The following FAM219A variants were observed in gnomAD, a reference collection of about 807,000 sequenced individuals.
FAM219A encodes protein FAM219A.
FAM219A carries 7 observed loss-of-function variants against 23.4 expected under a neutral mutation model. The observed-to-expected ratio is 0.30, with a 90% CI of 0.17 to 0.56. The LOEUF (loss-of-function observed/expected upper bound fraction) is 0.56. Ranked by LOEUF, FAM219A falls within the 20% of genes least tolerant of loss-of-function variation. The probability of loss-of-function intolerance (pLI) is 0.92; values close to 1 mark genes in which losing one functional copy is unlikely to be tolerated. For missense variants in FAM219A, 166 were observed against 246.9 expected (o/e 0.67, Z 2.20); for synonymous variants, 93 against 99.0 (o/e 0.94, Z 0.36).
intron 1 of FAM219A, among the ~76,000 whole-genome samples, chr9:34,423,598 T>C (rs1362054698): frequency 1.3e-5 from 2 of 152,060 alleles, no homozygotes; most frequent in Non-Finnish European, 1.5e-5. Flanking sequence ...CTGGAAATAA[T>C]GGGGAGCCAC....
chr9:34,422,450 C>T (rs1035436414), intron 1 of FAM219A, among the ~76,000 whole-genome samples: 1 of 152,224 alleles, frequency 6.6e-6, no homozygotes, highest in African/African-American at 2.4e-5. Flanking sequence ...TAGATAAAGT[C>T]ATGAGATTAA....
chr9:34,413,119 G>A (rs547490587), intron 1 of FAM219A, among the ~76,000 whole-genome samples: 1 of 152,084 alleles, frequency 6.6e-6, no homozygotes, highest in South Asian at 2.1e-4. Flanking sequence ...CAGAACTTTG[G>A]ACCATGGGAG....
chr9:34,424,994 T>C (rs1039036036), intron 1 of FAM219A, among the ~76,000 whole-genome samples: 2 of 151,974 alleles, frequency 1.3e-5, no homozygotes, highest in Admixed American at 6.5e-5. Flanking sequence ...TTGGTAGAGA[T>C]GGGGTTTTGC....
chr9:34,419,143 C>T (rs1053917570), intron 1 of FAM219A, among the ~76,000 whole-genome samples: 2 of 152,066 alleles, frequency 1.3e-5, no homozygotes, highest in Admixed American at 6.6e-5. Context: ...TTATGTTATG[C>T]ATATTCTAAT....
At chr9:34,414,227 A>G (rs552546603) in intron 1 of FAM219A, among the ~76,000 whole-genome samples, 2 of 152,298 alleles carry the variant, frequency 1.3e-5, no homozygotes, top group African/African-American at 4.8e-5. Context: ...CCACACCTCA[A>G]CATATGAGTT....
chr9:34,421,896 T>G (rs556485228), intron 1 of FAM219A, among the ~76,000 whole-genome samples: 4 of 152,314 alleles, frequency 2.6e-5, no homozygotes, highest in African/African-American at 7.2e-5. Flanking sequence ...ATTGTCAGCA[T>G]TTCATATTAG....
intron 1 of FAM219A, among the ~76,000 whole-genome samples, chr9:34,419,351 G>A (rs1588045920): frequency 6.6e-6 from 1 of 152,058 alleles, no homozygotes; most frequent in Non-Finnish European, 1.5e-5. Flanking sequence ...CTGGGGATTT[G>A]GGGTTGGGTT....
chr9:34,437,525 T>A (rs1462923329), intron 1 of FAM219A, among the ~76,000 whole-genome samples: 2 of 152,098 alleles, frequency 1.3e-5, no homozygotes, highest in Admixed American at 1.3e-4. Flanking sequence ...GTGACAATGC[T>A]CCAAAATGCC....
chr9:34,416,314 G>GGAAC (rs1554676938), intron 1 of FAM219A, among the ~76,000 whole-genome samples: 46 of 109,840 alleles, frequency 4.2e-4, no homozygotes, highest in East Asian at 1.0e-3. Flanking sequence ...AAGGAACGAA[G>GGAAC]GAAGGAAGGA....
chr9:34,404,578 C>T (rs369514939), intron 2 of FAM219A, among the ~76,000 whole-genome samples: 2 of 152,070 alleles, frequency 1.3e-5, no homozygotes, highest in South Asian at 2.1e-4. Context: ...CGTGGTGATG[C>T]GCGCCTATAA....
intron 1 of FAM219A, among the ~76,000 whole-genome samples, chr9:34,447,310 G>T (rs1017249589): frequency 2.0e-5 from 3 of 152,206 alleles, no homozygotes; most frequent in African/African-American, 7.2e-5. Context: ...AATAGGTATG[G>T]TTATTAAATA....
At chr9:34,430,597 A>G (rs1822654958) in intron 1 of FAM219A, among the ~76,000 whole-genome samples, 1 of 137,310 alleles carries the variant, frequency 7.3e-6, no homozygotes, top group African/African-American at 2.8e-5. Context: ...AGATCGCGCC[A>G]CTGCACTCCA....
At chr9:34,427,713 C>G (rs576706275) in intron 1 of FAM219A, among the ~76,000 whole-genome samples, 30 of 152,194 alleles carry the variant, frequency 2.0e-4, no homozygotes, top group Non-Finnish European at 2.5e-4. Context: ...CCTGACCTAT[C>G]AGACCATGCT....
rs1822085845 is a variant in FAM219A at position 34,417,650 on chromosome 9, G to C, written c.61-11686C>G. On this transcript the variant is annotated intron_variant, in intron 1 of 5. Coordinates refer to ENST00000651358, the MANE Select transcript of FAM219A (RefSeq NM_001184940.2). The surrounding 1 kb of genome is among the most constrained non-coding windows in gnomAD (Gnocchi z 4.1). ...ATTTACAATGCCTCCTGTCATGACT[G>C]AGAGTATAGCTGGTTTTTAATGCTT... 6.6e-6 allele frequency among the ~76,000 whole-genome samples: 1 copy of C among 152,242 alleles called. No homozygotes were observed.
At chr9:34,435,908 C>A (rs888471797) in intron 1 of FAM219A, among the ~76,000 whole-genome samples, 3 of 151,842 alleles carry the variant, frequency 2.0e-5, no homozygotes, top group East Asian at 3.9e-4. Flanking sequence ...TGGGTTCAAG[C>A]GATTCTCCTG....
At position 34,417,058 on chromosome 9, in the gene FAM219A, C is replaced by T. The variant is rs1822065029; in HGVS notation, c.61-11094G>A. Among the ~76,000 whole-genome samples the T allele has an allele frequency of 6.7e-6, 1 of 149,284 alleles. No homozygotes were observed. The highest frequency in any genetic ancestry group is 2.4e-5 in the African/African-American group (1 of 41,100). ...TCCTCCTTCTTCCCCTTCCCTTTCC[C>T]CTTCCCCTTCTCCTTCTTCTTCTTT... On this transcript the variant is annotated intron_variant, in intron 1 of 5. Coordinates refer to ENST00000651358, the MANE Select transcript of FAM219A (RefSeq NM_001184940.2). This position sits in a 1 kb window ranked among gnomAD's most constrained non-coding sequence, Gnocchi z 4.1.
At chr9:34,421,514 CACTT>C (rs2131964505) in intron 1 of FAM219A, among the ~76,000 whole-genome samples, 1 of 152,188 alleles carries the variant, frequency 6.6e-6, no homozygotes, top group South Asian at 2.1e-4. Flanking sequence ...GGTGCAGTGA[CACTT>C]ACCGGCTAAC....
intron 1 of FAM219A, among the ~76,000 whole-genome samples, chr9:34,449,629 T>TA (rs1278184357): frequency 6.6e-6 from 1 of 152,362 alleles, no homozygotes; most frequent in African/African-American, 2.4e-5. Context: ...AAATCTAGAC[T>TA]GGATCAGCAC....
intron 1 of FAM219A, among the ~76,000 whole-genome samples, chr9:34,440,606 T>G (rs926446850): frequency 2.6e-5 from 4 of 151,824 alleles, no homozygotes; most frequent in African/African-American, 9.7e-5. Context: ...ATCCCAGCAC[T>G]TTGGAAGGCC....
Sources: gnomAD v4.1 joint callset for allele counts (sites outside exome capture counted in the v4.1 genomes callset) on GRCh38, gnomAD v4.1.1 for gene constraint, Gnocchi (gnomAD v3.1) non-coding constraint, MANE v1.5 for transcripts, NCBI Gene and HGNC (gene_info 2026-07-23, HGNC 2026-07-21) for gene names.